WDR7: variants seen among roughly 807,000 people sequenced by gnomAD.
WDR7 encodes WD repeat-containing protein 7.
A neutral mutation model predicts 169.4 loss-of-function variants in WDR7; 46 were observed. The ratio of observed to expected loss-of-function variants is 0.27; its 90% CI spans 0.21 to 0.35. The LOEUF is 0.35. WDR7 is among the 10% of genes least tolerant of loss of function. WDR7 has a pLI of 1.00. For missense variants in WDR7, 1,534 were observed against 1,859.3 expected (o/e 0.83, Z 3.22); for synonymous variants, 612 against 666.8 (o/e 0.92, Z 1.27).
intron 12 of WDR7, among the ~76,000 whole-genome samples, chr18:56,703,643 T>C (rs2025883452): frequency 6.6e-6 from 1 of 152,100 alleles, no homozygotes; most frequent in Non-Finnish European, 1.5e-5. Flanking sequence ...ACCATCTTTT[T>C]GATATTAATT....
chr18:56,708,643 T>A (rs1202934349), intron 12 of WDR7, among the ~76,000 whole-genome samples: 1 of 152,018 alleles, frequency 6.6e-6, no homozygotes, highest in Non-Finnish European at 1.5e-5. Context: ...TAACAAACTT[T>A]AGAATATAAG....
At chr18:56,840,862 A>G (rs1321304811) in intron 20 of WDR7, among the ~76,000 whole-genome samples, 1 of 151,982 alleles carries the variant, frequency 6.6e-6, no homozygotes, top group Non-Finnish European at 1.5e-5. Flanking sequence ...CATTTCTACA[A>G]TTTTGTTATA....
At chr18:56,684,969 T>C (rs2025416673) in intron 5 of WDR7, among the ~76,000 whole-genome samples, 1 of 152,238 alleles carries the variant, frequency 6.6e-6, no homozygotes, top group Non-Finnish European at 1.5e-5. Flanking sequence ...GAATCTTTTA[T>C]TTAAAACAGA....
chr18:56,682,299 C>G (rs1358135527), intron 4 of WDR7, among the ~76,000 whole-genome samples: 1 of 152,126 alleles, frequency 6.6e-6, no homozygotes, highest in Non-Finnish European at 1.5e-5. Context: ...TTTTGTGACC[C>G]ACCTGAGCTT....
At chr18:56,990,824 G>C (rs2047801845) in intron 26 of WDR7, among the ~76,000 whole-genome samples, 1 of 152,128 alleles carries the variant, frequency 6.6e-6, no homozygotes, top group African/African-American at 2.4e-5. Context: ...GGCTACACCA[G>C]CTGACTTTTT....
chr18:56,693,786 G>C (rs1280149281), intron 9 of WDR7, among the ~76,000 whole-genome samples: 3 of 151,856 alleles, frequency 2.0e-5, no homozygotes, highest in Non-Finnish European at 2.9e-5. Flanking sequence ...TGGCCAGGCT[G>C]GTCTTGAACT....
chr18:56,881,160 C>G (rs774675848), intron 21 of WDR7, among the ~76,000 whole-genome samples: 6 of 152,106 alleles, frequency 3.9e-5, no homozygotes, highest in African/African-American at 1.4e-4. Context: ...TATAAAAGCC[C>G]TTCAATAGAC....
intron 24 of WDR7, 37 bp downstream of exon 24, chr18:56,938,719 C>A: frequency 6.2e-7 from 1 of 1,607,294 alleles, no homozygotes; most frequent in Non-Finnish European, 8.5e-7. Flanking sequence ...CATCAGCAAC[C>A]TAAATTAAAT....
At chr18:56,938,420 C>T in intron 23 of WDR7, 113 bp from the exon 24 acceptor site, 2 of 1,343,036 alleles carry the variant, frequency 1.5e-6, no homozygotes, top group African/African-American at 1.5e-5. Flanking sequence ...TCTGACTCAC[C>T]CACAAGAAGT....
intron 13 of WDR7, among the ~76,000 whole-genome samples, chr18:56,725,115 T>A (rs79162108): frequency 6.6e-6 from 1 of 150,640 alleles, no homozygotes; most frequent in African/African-American, 2.5e-5. Context: ...AATAAACATA[T>A]GTGTGCATGT....
At chr18:56,826,052 G>C (rs2045197089) in intron 20 of WDR7, among the ~76,000 whole-genome samples, 4 of 89,300 alleles carry the variant, frequency 4.5e-5, no homozygotes, top group African/African-American at 1.2e-4. Context: ...TGCTGCATTG[G>C]GGTTGGGGGA....
intron 24 of WDR7, 96 bp downstream of exon 24, chr18:56,938,778 A>T: frequency 4.9e-6 from 7 of 1,414,256 alleles, no homozygotes; most frequent in Middle Eastern, 1.9e-4. Context: ...AGCATCTCTA[A>T]AAGAGATGAA....
chr18:56,988,983 A>T (rs67031638), intron 26 of WDR7, among the ~76,000 whole-genome samples: 31,450 of 151,868 alleles, frequency 0.21, 3,849 homozygotes, highest in Middle Eastern at 0.35. Context: ...AACAGAAAAA[A>T]ATTGAATTAT....
At chr18:56,804,487 A>AT (rs2044733595) in intron 19 of WDR7, among the ~76,000 whole-genome samples, 1 of 152,230 alleles carries the variant, frequency 6.6e-6, no homozygotes, top group Admixed American at 6.5e-5. Context: ...ACTTCACACA[A>AT]TAAAATAAGC....
intron 19 of WDR7, among the ~76,000 whole-genome samples, chr18:56,815,003 G>A (rs529719457): frequency 1.3e-5 from 2 of 152,224 alleles, no homozygotes; most frequent in African/African-American, 4.8e-5. Flanking sequence ...ATCTGTTACG[G>A]TGGTTTGTGA....
rs957697530 is a variant in WDR7 at position 57,029,678 on chromosome 18, G to A, written c.*2471G>A. On this transcript the variant is annotated 3_prime_UTR_variant, in exon 28 of 28. Transcript: ENST00000254442. ...TGATTGAACTCCCTGTGTACAGCGA[G>A]TGAATTAAAATGTCTGCCTCTCCAG... 1 of 152,156 alleles carries A rather than the reference G, an allele frequency of 6.6e-6. No homozygotes were observed. The highest frequency in any genetic ancestry group is 1.5e-5 in the Non-Finnish European group (1 of 68,038). 9.4% of individuals were successfully genotyped at this position (152,156 alleles called of 1,614,324 possible). A position where few individuals can be genotyped will look rare whatever the true frequency, so the allele number is the denominator to read the frequency against.
chr18:56,869,489 A>C (rs1031561340), intron 20 of WDR7, among the ~76,000 whole-genome samples: 3 of 152,202 alleles, frequency 2.0e-5, no homozygotes, highest in Non-Finnish European at 4.4e-5. Flanking sequence ...AGCAAATTCC[A>C]TATGTTCTGT....
Position 57,020,044 on chromosome 18 carries a change from A to G in WDR7, c.4165-701A>G, listed in dbSNP as rs80351005. ...TTGTTTTTATTAGGAGGGACCTTCT[A>G]TCAAAGACCTAGTCTAAAATACAAC... On this transcript the variant is annotated intron_variant, in intron 26 of 27. Transcript: ENST00000254442. Among the ~76,000 whole-genome samples, 850 of 152,344 alleles carry G rather than the reference A, an allele frequency of 5.6e-3. 5 individuals are homozygous for G. Among genetic ancestry groups the G allele is most frequent in the Non-Finnish European group, 8.9e-3 (608 of 68,034 alleles).
At chr18:57,020,167 G>A (rs1444830819) in intron 26 of WDR7, among the ~76,000 whole-genome samples, 1 of 152,152 alleles carries the variant, frequency 6.6e-6, no homozygotes, top group Non-Finnish European at 1.5e-5. Context: ...TGATTTATGT[G>A]TGTGCCCAAA....
Sources: gnomAD v4.1 joint callset for allele counts (sites outside exome capture counted in the v4.1 genomes callset) on GRCh38, gnomAD v4.1.1 for gene constraint, MANE v1.5 for transcripts, NCBI Gene and HGNC (gene_info 2026-07-23, HGNC 2026-07-21) for gene names.